TTC33: variants seen among roughly 807,000 people sequenced by gnomAD.
TTC33 encodes tetratricopeptide repeat protein 33.
In TTC33, 24 loss-of-function variants were observed where a neutral mutation model predicts 29.4. The observed-to-expected ratio is 0.82, with a 90% confidence interval of 0.59 to 1.15. TTC33 has a LOEUF of 1.15. Ranked by LOEUF, TTC33 falls within the 50% of genes most tolerant of loss-of-function variation. The pLI is 0.00. For missense variants in TTC33, 286 were observed against 310.4 expected (o/e 0.92, Z 0.59); for synonymous variants, 107 against 100.3 (o/e 1.07, Z -0.40).
At chr5:40,722,300 G>A (rs747584591) in intron 4 of TTC33, among the ~76,000 whole-genome samples, 1 of 152,304 alleles carries the variant, frequency 6.6e-6, no homozygotes, top group South Asian at 2.1e-4. Context: ...CCAAAGTGCC[G>A]AGATTGCATC....
At chr5:40,727,429 A>T (rs553688260) in intron 4 of TTC33, among the ~76,000 whole-genome samples, 5 of 152,358 alleles carry the variant, frequency 3.3e-5, no homozygotes, top group Non-Finnish European at 5.9e-5. Context: ...TGTCACAGCT[A>T]ATTCTTACCT....
chr5:40,732,346 A>G (rs1313769492), intron 2 of TTC33, among the ~76,000 whole-genome samples: 2 of 151,898 alleles, frequency 1.3e-5, no homozygotes, highest in Non-Finnish European at 2.9e-5. Context: ...TTCTCACTTT[A>G]TTGATGAGGA....
At chr5:40,731,352 ATCCCCTGCT>A (rs1742423235) in intron 2 of TTC33, among the ~76,000 whole-genome samples, 1 of 111,896 alleles carries the variant, frequency 8.9e-6, no homozygotes, top group African/African-American at 3.3e-5. Flanking sequence ...GTTAGTATGG[ATCCCCTGCT>A]ACACATACAC....
At chr5:40,725,197 A>C (rs1742253412) in intron 4 of TTC33, among the ~76,000 whole-genome samples, 1 of 144,648 alleles carries the variant, frequency 6.9e-6, no homozygotes, top group Admixed American at 7.1e-5. Flanking sequence ...CATGCTACCC[A>C]GGTTGGTCCA....
rs111678601 is a variant in TTC33 at position 40,748,492 on chromosome 5, G to A, written c.-1-1473C>T. On this transcript the variant is annotated intron_variant, in intron 1 of 4. Transcript: ENST00000337702. Reference sequence around the variant, plus strand: ...ATTACAGGCGTGAGCCACCGCACCTGGCAAATTATGGCTATTTTTTCTTTG... The same window carrying A: ...ATTACAGGCGTGAGCCACCGCACCTAGCAAATTATGGCTATTTTTTCTTTG... Among the ~76,000 whole-genome samples, 264 of 152,250 alleles carry A rather than the reference G, an allele frequency of 1.7e-3. 1 individual carries two copies. The highest frequency in any genetic ancestry group is 6.0e-3 in the African/African-American group (251 of 41,534).
At position 40,746,819 on chromosome 5, in the gene TTC33, G is replaced by A. The variant is rs369956548; in HGVS notation, c.200C>T (p.Ala67Val). 4 of 1,610,936 alleles carry A rather than the reference G, an allele frequency of 2.5e-6. No individual in the cohort carries two copies. ...EKSKQLKDEG[A>V]SLAENKRYRE... ...ATACCTTTTATTTTCAGCCAAACTGGCTCCTTCATCCTTCAGCTGTTTACT... is the reference window on the plus strand; with the variant it reads ...ATACCTTTTATTTTCAGCCAAACTGACTCCTTCATCCTTCAGCTGTTTACT... The change falls in exon 2 of 5, where the codon GCC (alanine) becomes GTC (valine). Residue 67 changes from alanine (A) to valine (V), a missense_variant. Coordinates refer to ENST00000337702, the MANE Select transcript of TTC33 (RefSeq NM_012382.3).
rs1741900309 is a variant in TTC33 at position 40,711,602 on chromosome 5, A to C, written c.*4543T>G. Among the ~76,000 whole-genome samples the C allele has an allele frequency of 6.6e-6, 1 of 152,146 alleles. No individual in the cohort carries two copies. The highest frequency in any genetic ancestry group is 1.5e-5 in the Non-Finnish European group (1 of 68,004). On this transcript the variant is annotated 3_prime_UTR_variant, in exon 5 of 5. Transcript: ENST00000337702. ...TGTGATTTATATATATAGCAGCTTT[A>C]TTCATAATAGATCAAAACTTGAAAC...
intron 1 of TTC33, among the ~76,000 whole-genome samples, chr5:40,755,125 T>TACAGCG (rs1185418580): frequency 6.6e-6 from 1 of 152,210 alleles, no homozygotes; most frequent in Non-Finnish European, 1.5e-5. Context: ...CGACGCTGTA[T>TACAGCG]TCTAAATTCC....
chr5:40,741,473 T>G (rs750025006), intron 2 of TTC33, among the ~76,000 whole-genome samples: 1 of 152,210 alleles, frequency 6.6e-6, no homozygotes, highest in African/African-American at 2.4e-5. Context: ...TCCCCAATAG[T>G]TGCATGGCCT....
intron 3 of TTC33, among the ~76,000 whole-genome samples, chr5:40,729,945 C>CA (rs1200214726): frequency 1.3e-5 from 2 of 152,144 alleles, no homozygotes; most frequent in African/African-American, 4.8e-5. Context: ...GTGATCCACC[C>CA]ACCTCGGCCT....
At chr5:40,750,323 A>G (rs2161521) in intron 1 of TTC33, among the ~76,000 whole-genome samples, 104,681 of 151,886 alleles carry the variant, frequency 0.69, 36,112 homozygotes, top group East Asian at 0.8. Flanking sequence ...TAATCCTAGC[A>G]CTTTGTGAGG....
intron 1 of TTC33, 82 bp downstream of exon 1, chr5:40,755,740 CCA>C (rs1350805279): frequency 5.2e-5 from 8 of 152,770 alleles, no homozygotes; most frequent in African/African-American, 1.9e-4. Flanking sequence ...CCGGGCAGCC[CCA>C]GTTACCCGAT....
intron 4 of TTC33, among the ~76,000 whole-genome samples, chr5:40,727,742 A>G (rs1436661952): frequency 6.6e-6 from 1 of 152,134 alleles, no homozygotes; most frequent in Non-Finnish European, 1.5e-5. Flanking sequence ...AAAGTTGCCT[A>G]TTGTCTATTT....
chr5:40,713,564 T>A lies in TTC33; in HGVS notation c.*2581A>T, dbSNP rs1363847. The stretch of plus-strand genomic sequence containing the variant: ...CTTTTCAATGTTTATGTAGTGTCTG[T>A]TAATATATTTAAGATAAATACTCTA... On this transcript the variant is annotated 3_prime_UTR_variant, in exon 5 of 5. Coordinates refer to ENST00000337702, the MANE Select transcript of TTC33 (RefSeq NM_012382.3). Among the ~76,000 whole-genome samples, 52,086 of 151,960 alleles carry A rather than the reference T, an allele frequency of 0.34. 10,027 individuals carry two copies. The highest frequency in any genetic ancestry group is 0.45 in the Admixed American group (6,895 of 15,248).
chr5:40,748,887 C>T (rs911078707), intron 1 of TTC33, among the ~76,000 whole-genome samples: 3 of 152,262 alleles, frequency 2.0e-5, no homozygotes, highest in Admixed American at 6.5e-5. Flanking sequence ...GTAATCCTAG[C>T]ACTTTGGGAG....
intron 1 of TTC33, among the ~76,000 whole-genome samples, chr5:40,755,057 CA>C (rs1316427033): frequency 6.6e-6 from 1 of 152,134 alleles, no homozygotes. Flanking sequence ...TGAAACCAGA[CA>C]AATTCAACCT....
chr5:40,745,128 G>T lies in TTC33; in HGVS notation c.221+1670C>A, dbSNP rs558714801. Reference sequence around the variant, plus strand: ...GGGGGATAAAAGTAGAAAACCCAAGGATGCCAAAAGACACTAAAGAGACAT... The same window carrying T: ...GGGGGATAAAAGTAGAAAACCCAAGTATGCCAAAAGACACTAAAGAGACAT... On this transcript the variant is annotated intron_variant, in intron 2 of 4. Transcript: ENST00000337702. 5.3e-5 allele frequency among the ~76,000 whole-genome samples: 8 copies of T among 152,212 alleles called. 1 individual carries two copies. The South Asian group carries it at 1.2e-3, about 24-fold the overall frequency.
chr5:40,730,159 A>C (rs1159879579), intron 3 of TTC33, 103 bp downstream of exon 3: 1 of 862,990 alleles, frequency 1.2e-6, no homozygotes, highest in Non-Finnish European at 1.8e-6. Flanking sequence ...CCGTATTTGT[A>C]AAAGAAAATG....
chr5:40,734,655 G>T (rs1256899822), intron 2 of TTC33, among the ~76,000 whole-genome samples: 2 of 152,120 alleles, frequency 1.3e-5, no homozygotes, highest in African/African-American at 4.8e-5. Context: ...ATTTACTGTG[G>T]CTTTAAATTT....
Sources: gnomAD v4.1 joint callset for allele counts (sites outside exome capture counted in the v4.1 genomes callset) on GRCh38, gnomAD v4.1.1 for gene constraint, MANE v1.5 for transcripts, NCBI Gene and HGNC (gene_info 2026-07-23, HGNC 2026-07-21) for gene names.